PODXL2: variants seen among roughly 807,000 people sequenced by gnomAD.
The protein encoded by PODXL2 is podocalyxin like 2.
PODXL2 carries 17 observed loss-of-function variants against 53.4 expected under a neutral mutation model. The observed-to-expected ratio is 0.32, with a 90% CI of 0.22 to 0.48. The LOEUF (loss-of-function observed/expected upper bound fraction) is 0.48, where lower values mean the gene tolerates loss of function less well. Among genes scored for constraint, PODXL2 ranks in the 20% least tolerant of loss-of-function variants. The probability of loss-of-function intolerance (pLI) is 0.99; values close to 1 mark genes in which losing one functional copy is unlikely to be tolerated. For synonymous variants in PODXL2, 311 were observed against 306.7 expected (o/e 1.01, Z -0.15); for missense variants, 673 against 760.0 (o/e 0.89, Z 1.35).
chr3:127,640,055 C>A (rs973416927), intron 2 of PODXL2, among the ~76,000 whole-genome samples: 1 of 152,252 alleles, frequency 6.6e-6, no homozygotes, highest in African/African-American at 2.4e-5. Flanking sequence ...CTCAGTCATG[C>A]ACCAGAGCTA....
At chr3:127,653,094 C>T (rs1399918091) in intron 2 of PODXL2, among the ~76,000 whole-genome samples, 2 of 152,130 alleles carry the variant, frequency 1.3e-5, no homozygotes, top group Non-Finnish European at 2.9e-5. Context: ...CCTTTTTCAC[C>T]TCCAAAGTGC....
chr3:127,631,971 CAAA>C (rs1263022747), intron 1 of PODXL2, among the ~76,000 whole-genome samples: 19 of 152,142 alleles, frequency 1.2e-4, no homozygotes, highest in Non-Finnish European at 2.8e-4. Context: ...GAAGGGAAGA[CAAA>C]GAAGGAAAGG....
chr3:127,661,669 TC>T lies in PODXL2; in HGVS notation c.1131+511del, dbSNP rs143969360. Among the ~76,000 whole-genome samples the T allele has an allele frequency of 1.6e-3, 238 of 152,238 alleles. 1 individual carries two copies. Among genetic ancestry groups the T allele is most frequent in the African/African-American group, 5.3e-3 (220 of 41,538 alleles). ...CCAGGCTGGTCGGGAACTCCTGACTTCAAGTGATCCACCCGCTATGGCCTCC... is the reference window on the plus strand; with the variant it reads ...CCAGGCTGGTCGGGAACTCCTGACTTAAGTGATCCACCCGCTATGGCCTCC... On this transcript the variant is annotated intron_variant, in intron 3 of 7. Transcript: ENST00000342480.
At chr3:127,648,239 TATC>T (rs2074667443) in intron 2 of PODXL2, among the ~76,000 whole-genome samples, 1 of 152,200 alleles carries the variant, frequency 6.6e-6, no homozygotes. Flanking sequence ...CTACTTTAAT[TATC>T]ATTGCCGTAA....
At chr3:127,653,830 T>C (rs970371552) in intron 2 of PODXL2, among the ~76,000 whole-genome samples, 16 of 152,360 alleles carry the variant, frequency 1.1e-4, no homozygotes, top group African/African-American at 3.8e-4. Context: ...TATGTGTACA[T>C]GTATGGATAT....
chr3:127,666,642 C>T (rs1456200909), intron 4 of PODXL2, among the ~76,000 whole-genome samples: 1 of 152,092 alleles, frequency 6.6e-6, no homozygotes, highest in African/African-American at 2.4e-5. Flanking sequence ...ACTCCTGGGC[C>T]CAAGTGATCC....
intron 2 of PODXL2, among the ~76,000 whole-genome samples, chr3:127,649,430 G>A (rs553737658): frequency 6.6e-6 from 1 of 152,306 alleles, no homozygotes; most frequent in African/African-American, 2.4e-5. Context: ...GAGATTGTAG[G>A]TTCAGAATAT....
intron 1 of PODXL2, among the ~76,000 whole-genome samples, chr3:127,630,719 G>A (rs546574986): frequency 6.6e-6 from 1 of 152,306 alleles, no homozygotes; most frequent in Non-Finnish European, 1.5e-5. Context: ...GTCAGTCTAG[G>A]GATGAAGAAA....
At chr3:127,641,764 C>T (rs1352712148) in intron 2 of PODXL2, among the ~76,000 whole-genome samples, 3 of 151,388 alleles carry the variant, frequency 2.0e-5, no homozygotes, top group Non-Finnish European at 4.4e-5. Flanking sequence ...GATGTGCCCA[C>T]CTCGGCCTCC....
chr3:127,644,328 A>G (rs1360965350), intron 2 of PODXL2, among the ~76,000 whole-genome samples: 1 of 152,124 alleles, frequency 6.6e-6, no homozygotes, highest in Non-Finnish European at 1.5e-5. Flanking sequence ...AGGCTGACTG[A>G]ACTCCTGACC....
At chr3:127,649,775 A>G (rs1284227696) in intron 2 of PODXL2, among the ~76,000 whole-genome samples, 1 of 152,148 alleles carries the variant, frequency 6.6e-6, no homozygotes, top group Non-Finnish European at 1.5e-5. Flanking sequence ...CGTCTCTACT[A>G]AAAATACAAA....
chr3:127,640,530 G>C (rs1311112648), intron 2 of PODXL2, among the ~76,000 whole-genome samples: 1 of 151,954 alleles, frequency 6.6e-6, no homozygotes, highest in Non-Finnish European at 1.5e-5. Flanking sequence ...GTGAAACCCT[G>C]TCTCCACTAA....
intron 2 of PODXL2, among the ~76,000 whole-genome samples, chr3:127,644,879 G>A (rs73861549): frequency 0.011 from 1,613 of 152,290 alleles, 22 homozygotes; most frequent in African/African-American, 0.037. Context: ...GGCCAGGCAG[G>A]TGCAGGGAGG....
At chr3:127,649,096 C>G (rs2074673564) in intron 2 of PODXL2, among the ~76,000 whole-genome samples, 1 of 152,002 alleles carries the variant, frequency 6.6e-6, no homozygotes, top group South Asian at 2.1e-4. Flanking sequence ...CCAGCTCTTT[C>G]CAGACTTTTT....
intron 2 of PODXL2, among the ~76,000 whole-genome samples, chr3:127,653,909 C>T (rs1019363534): frequency 1.3e-5 from 2 of 152,154 alleles, no homozygotes; most frequent in African/African-American, 4.8e-5. Flanking sequence ...CTCCTTTGCT[C>T]CAAATACTTC....
At chr3:127,670,591 T>A (rs1179623598) in intron 6 of PODXL2, among the ~76,000 whole-genome samples, 1 of 152,030 alleles carries the variant, frequency 6.6e-6, no homozygotes, top group Non-Finnish European at 1.5e-5. Context: ...TAACAAAAAA[T>A]TGAGAAAAGT....
At chr3:127,634,590 G>T (rs2074566184) in intron 1 of PODXL2, among the ~76,000 whole-genome samples, 1 of 151,474 alleles carries the variant, frequency 6.6e-6, no homozygotes, top group South Asian at 2.1e-4. Flanking sequence ...GCTGGGCGTG[G>T]TGGCAGGTGC....
chr3:127,655,509 A>G (rs548380749), intron 2 of PODXL2, among the ~76,000 whole-genome samples: 1 of 152,332 alleles, frequency 6.6e-6, no homozygotes, highest in South Asian at 2.1e-4. Context: ...GACTGTGCGC[A>G]GGGTCACCTC....
Position 127,660,358 on chromosome 3 carries a change from C to T in PODXL2, c.350-20C>T. ...ATGAATGATGAAACAAGTGAATGAACTTTTCATCTCTGTCCTTAGATTATG... is the reference window on the plus strand; with the variant it reads ...ATGAATGATGAAACAAGTGAATGAATTTTTCATCTCTGTCCTTAGATTATG... On this transcript the variant is annotated intron_variant, in intron 2 of 7. Transcript: ENST00000342480. The T allele has an allele frequency of 1.9e-5, 31 of 1,599,426 alleles. No individual in the cohort carries two copies. The highest frequency in any genetic ancestry group is 2.6e-5 in the Non-Finnish European group (31 of 1,170,106).
Sources: gnomAD v4.1 joint callset for allele counts (sites outside exome capture counted in the v4.1 genomes callset) on GRCh38, gnomAD v4.1.1 for gene constraint, MANE v1.5 for transcripts, NCBI Gene and HGNC (gene_info 2026-07-23, HGNC 2026-07-21) for gene names.